The following PSD4 variants were observed in gnomAD, a reference collection of about 807,000 sequenced individuals.
PSD4 encodes PH and SEC7 domain-containing protein 4.
PSD4 carries 59 observed loss-of-function variants against 112.5 expected under a neutral mutation model. The observed-to-expected ratio is 0.52, with a 90% confidence interval of 0.43 to 0.65. The LOEUF (loss-of-function observed/expected upper bound fraction) is 0.65. Ranked by LOEUF, PSD4 falls within the 30% of genes least tolerant of loss-of-function variation. PSD4 has a pLI of 0.00. For synonymous variants in PSD4, 533 were observed against 540.0 expected, an observed-to-expected ratio of 0.99 and a Z score of 0.18; for missense variants, 1,267 against 1,352.6, an observed-to-expected ratio of 0.94 and a Z score of 0.99.
At chr2:113,182,196 T>A (rs1452401541) in intron 1 of PSD4, 150 bp from the exon 2 acceptor site, 1 of 428,440 alleles carries the variant, frequency 2.3e-6, no homozygotes, top group Non-Finnish European at 4.2e-6. Flanking sequence ...TGTGGTACAC[T>A]CCTTACTCCC....
chr2:113,184,278 C>T (rs144324030), intron 2 of PSD4, among the ~76,000 whole-genome samples: 1 of 152,290 alleles, frequency 6.6e-6, no homozygotes, highest in East Asian at 1.9e-4. Flanking sequence ...ATCAGAGAAG[C>T]TCCTGGGTAC....
intron 1 of PSD4, among the ~76,000 whole-genome samples, 196 bp from the exon 2 acceptor site, chr2:113,182,150 G>C (rs1399779336): frequency 6.6e-6 from 1 of 152,174 alleles, no homozygotes; most frequent in East Asian, 1.9e-4. Context: ...GTGCTGCCCT[G>C]GTGCAAGTTT....
At chr2:113,175,067 G>A (rs571444322) in intron 1 of PSD4, among the ~76,000 whole-genome samples, 22 of 152,234 alleles carry the variant, frequency 1.4e-4, no homozygotes, top group East Asian at 5.8e-4. Context: ...CAGAACACAG[G>A]CTGCTGAGCT....
rs1475916571 is a variant in PSD4, at chr2:113,193,939, G to C, written c.2172G>C (p.Glu724Asp). ...GGGATGGCGGGAACTTCCCCAAGGA[G>C]CTGCTGAAGGTATGTGCCACGGGGT... ...GLRDGGNFPK[E>D]LLKALYWSIR... is the part of the protein sequence containing the mutation. Residue 724 changes from glutamate (E) to aspartate (D), a missense_variant, in exon 10 of 17, where the codon GAG (glutamate) becomes GAC (aspartate). Glu to Asp is a conservative substitution (Grantham distance 45). Around this residue, in one of 2 missense-constraint regions of PSD4, gnomAD observed 544 missense variants for 648.6 expected, o/e 0.84. Coordinates refer to ENST00000245796, the MANE Select transcript of PSD4 (RefSeq NM_012455.3). The C allele has an allele frequency of 1.2e-6, 2 of 1,614,026 alleles. No homozygotes were observed. The highest frequency in any genetic ancestry group is 1.7e-6 in the Non-Finnish European group (2 of 1,180,010).
rs1688609430 is a variant in PSD4, at chr2:113,196,318, G to A, written c.2386+11G>A. ...CAGACGGCAAGAAGAGTGAGTGTCT[G>A]CTGCCCACAAACAGGGTGGCGTGCT... On this transcript the variant is annotated intron_variant, in intron 12 of 16. Transcript: ENST00000245796. 6.2e-7 allele frequency: 1 copy of A among 1,608,334 alleles called. No individual in the cohort carries two copies. The highest frequency in any genetic ancestry group is 1.3e-5 in the African/African-American group (1 of 74,800).
intron 7 of PSD4, 41 bp from the exon 8 acceptor site, chr2:113,193,217 A>G: frequency 6.3e-7 from 1 of 1,592,862 alleles, no homozygotes; most frequent in Non-Finnish European, 8.6e-7. Flanking sequence ...ATTGGCCCTA[A>G]GCTCCCGGGC....
rs1558886900 is a variant in PSD4, at chr2:113,182,796, A to C, written c.340A>C (p.Thr114Pro). The C allele has an allele frequency of 6.2e-7, 1 of 1,602,628 alleles. No individual in the cohort carries two copies. The highest frequency in any genetic ancestry group is 8.5e-7 in the Non-Finnish European group (1 of 1,172,816). Reference sequence around the variant, plus strand: ...TCCCTGGGGCTCCGGTGTGGAGCTCACACACCTGGGGAGCCCCTCTGCCCA... The same window carrying C: ...TCCCTGGGGCTCCGGTGTGGAGCTCCCACACCTGGGGAGCCCCTCTGCCCA... ...APPWGSGVEL[T>P]HLGSPSAQRE... The change falls in exon 2 of 17, where the codon ACA becomes CCA. Residue 114 changes from threonine (T) to proline (P), a missense_variant. Physicochemically the swap from Thr to Pro is conservative, Grantham distance 38. Transcript: ENST00000245796.
chr2:113,187,129 G>C (rs45442597), intron 5 of PSD4, among the ~76,000 whole-genome samples: 6 of 152,324 alleles, frequency 3.9e-5, no homozygotes, highest in African/African-American at 1.4e-4. Context: ...ACTTAGCCTG[G>C]CCTGGGACCA....
chr2:113,174,446 G>A (rs1338787875), intron 1 of PSD4, among the ~76,000 whole-genome samples: 1 of 152,168 alleles, frequency 6.6e-6, no homozygotes, highest in Non-Finnish European at 1.5e-5. Context: ...TGACTGCTCT[G>A]GCTGAGTACC....
At position 113,179,362 on chromosome 2, in the gene PSD4, G is replaced by C. The variant is rs139989329; in HGVS notation, c.-111-2984G>C. Among the ~76,000 whole-genome samples the C allele has an allele frequency of 4.3e-4, 65 of 152,248 alleles. 1 individual carries two copies. Among genetic ancestry groups the C allele is most frequent in the African/African-American group, 1.4e-3 (57 of 41,534 alleles). On this transcript the variant is annotated intron_variant, in intron 1 of 16. Transcript: ENST00000245796. ...GGTAGTGGTGGGAGGTGGAGAGGCA[G>C]AACCTAGAATGATGAGTGAAGGCTG...
Position 113,183,211 on chromosome 2 carries a change from T to C in PSD4, c.755T>C (p.Leu252Pro). Reference protein sequence around the residue: ...ESMFFSNPLFLASPCSENSAS... With the variant: ...ESMFFSNPLFPASPCSENSAS... ...ATGTTCTTCAGCAACCCCCTCTTCC[T>C]GGCGAGTCCTTGCTCAGAGAACAGT... is the stretch of plus-strand genomic sequence containing the variant. Residue 252 changes from leucine to proline, a missense_variant, in exon 2 of 17, where the codon CTG becomes CCG. Leu to Pro is a moderately conservative substitution (Grantham distance 98). Coordinates refer to ENST00000245796, the MANE Select transcript of PSD4 (RefSeq NM_012455.3). 3 of 1,614,186 alleles carry C rather than the reference T, an allele frequency of 1.9e-6. No individual in the cohort carries two copies. The highest frequency in any genetic ancestry group is 2.5e-6 in the Non-Finnish European group (3 of 1,180,018).
Position 113,209,310 on chromosome 2 carries a change from A to G in PSD4, c.*7895A>G, listed in dbSNP as rs946800401. The G allele has an allele frequency of 6.6e-6, 1 of 152,196 alleles. No individual in the cohort carries two copies. Among genetic ancestry groups the G allele is most frequent in the African/African-American group, 2.4e-5 (1 of 41,450 alleles). The allele number at this position is 152,196 out of a possible 1,614,324, so 9.4% of individuals were successfully genotyped here. A position where few individuals can be genotyped will look rare whatever the true frequency, so the allele number is the denominator to read the frequency against. On this transcript the variant is annotated 3_prime_UTR_variant, in exon 17 of 17. Coordinates refer to ENST00000245796, the MANE Select transcript of PSD4 (RefSeq NM_012455.3). The stretch of plus-strand genomic sequence containing the variant: ...TGCATTTTACTAATTTATGGCATGC[A>G]TATCATATGAGCAGTCTCAAATCCT...
chr2:113,205,033 TCTC>T lies in PSD4; in HGVS notation c.*3619_*3621del. ...CCCAGGCTGGAGTGCAATGGTGCGA[TCTC>T]AGCTCACTGCAACCTCCGCCTCCTG... On this transcript the variant is annotated 3_prime_UTR_variant, in exon 17 of 17. Transcript: ENST00000245796. 1 of 151,930 alleles carries T rather than the reference TCTC, an allele frequency of 6.6e-6. No individual in the cohort carries two copies. Among genetic ancestry groups the T allele is most frequent in the East Asian group, 2.0e-4 (1 of 5,096 alleles). 9.4% of individuals were successfully genotyped at this position (151,930 alleles called of 1,614,324 possible).
At chr2:113,189,057 G>T (rs969361655) in intron 5 of PSD4, among the ~76,000 whole-genome samples, 2 of 151,980 alleles carry the variant, frequency 1.3e-5, no homozygotes, top group African/African-American at 4.8e-5. Flanking sequence ...TCCTTTAACC[G>T]CCTTTCACCC....
In PSD4 at chr2:113,201,418, C is replaced by G. The variant is rs1558662056; in HGVS notation, c.*3C>G. ...AGCGGAACCGCAATCAGCTGTGAAG[C>G]CAGCACCACCTCAGAGACACTGTTC... On this transcript the variant is annotated 3_prime_UTR_variant, in exon 17 of 17. Transcript: ENST00000245796. 2 of 1,613,196 alleles carry G rather than the reference C, an allele frequency of 1.2e-6. No individual in the cohort carries two copies. The highest frequency in any genetic ancestry group is 1.3e-5 in the African/African-American group (1 of 75,050).
At chr2:113,198,956 G>A (rs942231457) in intron 15 of PSD4, 72 bp downstream of exon 15, 6 of 1,533,194 alleles carry the variant, frequency 3.9e-6, no homozygotes, top group Admixed American at 2.0e-5. Flanking sequence ...GACTAACTCG[G>A]GGAGGCTGGA....
At chr2:113,193,402 G>A (rs1302266937) in intron 8 of PSD4, 32 bp downstream of exon 8, 1 of 1,598,606 alleles carries the variant, frequency 6.3e-7, no homozygotes, top group Non-Finnish European at 8.6e-7. Flanking sequence ...CAGCAAAGCA[G>A]GGAAACTTTG....
In PSD4 at chr2:113,205,634, G is replaced by GA. The variant is rs1249547012; in HGVS notation, c.*4227dup. 2.0e-5 allele frequency: 3 copies of GA among 151,454 alleles called. No individual in the cohort carries two copies. Among genetic ancestry groups the GA allele is most frequent in the African/African-American group, 4.9e-5 (2 of 41,198 alleles). The allele number at this position is 151,454 out of a possible 1,614,324, so 9.4% of individuals were successfully genotyped here. On this transcript the variant is annotated 3_prime_UTR_variant, in exon 17 of 17. Transcript: ENST00000245796. ...AACAGAGCGAGACTCTGTCGAAAAA[G>GA]AAAAAAAAGATGAAATGCCTTGAAA...
intron 1 of PSD4, among the ~76,000 whole-genome samples, chr2:113,178,502 C>T (rs1027755540): frequency 6.6e-6 from 1 of 151,484 alleles, no homozygotes; most frequent in Non-Finnish European, 1.5e-5. Context: ...TCACTTGTAT[C>T]TAGTATCAGC....
Sources: allele counts gnomAD v4.1 joint callset (sites outside exome capture counted in the v4.1 genomes callset), GRCh38; gene constraint gnomAD v4.1.1; regional missense constraint gnomAD v4.1.1; transcripts MANE v1.5; gene names NCBI Gene and HGNC (gene_info 2026-07-23, HGNC 2026-07-21).